Variants in PCDHA2 observed in about 807,000 individuals in gnomAD.
PCDHA2 encodes protocadherin alpha-2.
A neutral mutation model predicts 66.0 loss-of-function variants in PCDHA2; 58 were observed. The observed-to-expected ratio is 0.88, with a 90% CI of 0.71 to 1.09. The LOEUF is 1.09. Ranked by LOEUF, PCDHA2 falls within the 50% of genes least tolerant of loss-of-function variation. PCDHA2 has a pLI of 0.00. For synonymous variants in PCDHA2, 634 were observed against 554.0 expected (o/e 1.14, Z -2.03); for missense variants, 1,267 against 1,242.3 (o/e 1.02, Z -0.30).
At chr5:140,908,103 TC>T (rs1554193224) in intron 1 of PCDHA2, among the ~76,000 whole-genome samples, 2 of 152,192 alleles carry the variant, frequency 1.3e-5, no homozygotes, top group Non-Finnish European at 2.9e-5. Flanking sequence ...TGAAGTTCTG[TC>T]CACTGGGAAG....
At chr5:140,889,872 G>A (rs1554184085) in intron 1 of PCDHA2, among the ~76,000 whole-genome samples, 1 of 152,140 alleles carries the variant, frequency 6.6e-6, no homozygotes, top group South Asian at 2.1e-4. Flanking sequence ...GGGGAAGCCT[G>A]CCACCATGTA....
chr5:140,850,170 AACG>A (rs2150470514), intron 1 of PCDHA2: 1 of 1,594,520 alleles, frequency 6.3e-7, no homozygotes, highest in Non-Finnish European at 8.6e-7. Context: ...GCTGGACGAG[AACG>A]ACAATGCGCC....
intron 3 of PCDHA2, among the ~76,000 whole-genome samples, chr5:141,005,731 A>AC (rs2098235322): frequency 6.7e-6 from 1 of 149,106 alleles, no homozygotes; most frequent in Non-Finnish European, 1.5e-5. Flanking sequence ...AAAAAAAAAA[A>AC]GAATGGATGA....
chr5:140,920,853 A>G (rs375783359), intron 1 of PCDHA2, among the ~76,000 whole-genome samples: 2 of 152,062 alleles, frequency 1.3e-5, no homozygotes, highest in Non-Finnish European at 2.9e-5. Context: ...AAAAAAAAAA[A>G]AAAAACAAAC....
Position 140,927,144 on chromosome 5 carries a change from A to T in PCDHA2, c.2389-51805A>T, listed in dbSNP as rs116743674. 1.1e-5 allele frequency: 18 copies of T among 1,614,102 alleles called. No individual in the cohort carries two copies. The South Asian group carries it at 1.9e-4, about 17-fold the overall frequency. On this transcript the variant is annotated intron_variant, in intron 1 of 3. Transcript: ENST00000526136. Reference sequence around the variant, plus strand: ...TGGTCAGAGAGCCGGCGGACCGCGAACAGCTGTGCAGGGCCAAAGCTGCCT... The same window carrying T: ...TGGTCAGAGAGCCGGCGGACCGCGATCAGCTGTGCAGGGCCAAAGCTGCCT...
At chr5:140,838,041 C>A (rs1479923409) in intron 1 of PCDHA2, among the ~76,000 whole-genome samples, 1 of 149,154 alleles carries the variant, frequency 6.7e-6, no homozygotes, top group African/African-American at 2.5e-5. Flanking sequence ...TACCTTTCTG[C>A]ACTTTTTGGT....
At chr5:140,856,508 G>A (rs2044043194) in intron 1 of PCDHA2, 6 of 1,598,282 alleles carry the variant, frequency 3.8e-6, no homozygotes, top group Non-Finnish European at 5.1e-6. Context: ...ATTTCCACTA[G>A]AAGGCGCATC....
chr5:140,834,669 T>G (rs2150223867), intron 1 of PCDHA2: 1 of 1,614,208 alleles, frequency 6.2e-7, no homozygotes, highest in East Asian at 2.2e-5. Context: ...CGAGGAGCTG[T>G]GCGGGCGGAG....
At chr5:140,981,049 T>C (rs2096916420) in intron 2 of PCDHA2, among the ~76,000 whole-genome samples, 1 of 152,158 alleles carries the variant, frequency 6.6e-6, no homozygotes. Context: ...AAACAGATAA[T>C]TCTAGAGTGT....
Position 140,896,173 on chromosome 5 carries a change from TTGCTATTGTGAATAG to T in PCDHA2, c.2389-82772_2389-82758del, listed in dbSNP as rs1554186855. On this transcript the variant is annotated intron_variant, in intron 1 of 3. Transcript: ENST00000526136. ...GGGCATTTAGGATTATTCTCTGTCT[TTGCTATTGTGAATAG>T]TGCCATGATGAACATACACATACAT... 2.6e-4 allele frequency among the ~76,000 whole-genome samples: 40 copies of T among 152,340 alleles called. 1 individual carries two copies. The East Asian group carries it at 5.2e-3, about 20-fold the overall frequency.
intron 1 of PCDHA2, chr5:140,863,111 C>T (rs782266273): frequency 1.2e-5 from 7 of 585,488 alleles, no homozygotes; most frequent in Non-Finnish European, 1.7e-5. Context: ...CTGGACGAGG[C>T]GAAAGCTACG....
intron 1 of PCDHA2, among the ~76,000 whole-genome samples, chr5:140,920,933 C>G (rs1293177470): frequency 6.6e-6 from 1 of 151,360 alleles, no homozygotes; most frequent in Non-Finnish European, 1.5e-5. Flanking sequence ...GGTGATCTAG[C>G]CCTTTCATTC....
At chr5:140,802,168 A>T (rs1353989161) in intron 1 of PCDHA2, 4 of 1,614,244 alleles carry the variant, frequency 2.5e-6, no homozygotes, top group Non-Finnish European at 3.4e-6. Context: ...GAAGCCACGG[A>T]TAAAGGAAAT....
chr5:140,881,376 C>T (rs1487314933), intron 1 of PCDHA2: 2 of 984,636 alleles, frequency 2.0e-6, no homozygotes, highest in South Asian at 4.7e-5. Context: ...GAATTGCAGC[C>T]GGCGGCGGTA....
At chr5:140,987,960 C>G (rs2097275437) in intron 3 of PCDHA2, among the ~76,000 whole-genome samples, 1 of 152,120 alleles carries the variant, frequency 6.6e-6, no homozygotes, top group African/African-American at 2.4e-5. Flanking sequence ...AACCAACTCC[C>G]CATGGAAAGA....
chr5:140,847,627 T>G (rs886255064), intron 1 of PCDHA2: 2 of 149,354 alleles, frequency 1.3e-5, no homozygotes, highest in Non-Finnish European at 3.0e-5. Flanking sequence ...CAAACTATAT[T>G]GGAGACTACA....
intron 1 of PCDHA2, chr5:140,850,438 T>C (rs1554144332): frequency 6.3e-7 from 1 of 1,597,768 alleles, no homozygotes; most frequent in Admixed American, 1.7e-5. Flanking sequence ...CAGCGCCTAC[T>C]GGTGCTGGTG....
At chr5:140,893,898 C>T (rs2064223960) in intron 1 of PCDHA2, among the ~76,000 whole-genome samples, 9 of 152,114 alleles carry the variant, frequency 5.9e-5, no homozygotes, top group Admixed American at 5.2e-4. Flanking sequence ...GTTACTTTAC[C>T]TTCTGAATTT....
Position 140,797,214 on chromosome 5 carries a change from C to T in PCDHA2, c.2250C>T (p.Tyr750=). The T allele has an allele frequency of 6.2e-7, 1 of 1,614,216 alleles. No individual in the cohort carries two copies. Among genetic ancestry groups the T allele is most frequent in the East Asian group, 2.2e-5 (1 of 44,870 alleles). Residue 750 remains tyrosine, a synonymous_variant, in exon 1 of 4, where the codon TAC becomes TAT. Transcript: ENST00000526136. ...VCSSAVGSWS[Y]SQQRRQRVCS... ...CCAGCGCCGTGGGGAGCTGGTCTTA[C>T]TCGCAGCAGAGGCGGCAGAGGGTGT...
Sources: allele counts gnomAD v4.1 joint callset (sites outside exome capture counted in the v4.1 genomes callset), GRCh38; gene constraint gnomAD v4.1.1; transcripts MANE v1.5; gene names NCBI Gene and HGNC (gene_info 2026-07-23, HGNC 2026-07-21).